Variants in PCDHA8 observed in about 807,000 individuals in gnomAD.
The protein encoded by PCDHA8 is protocadherin alpha-8.
A neutral mutation model predicts 61.8 loss-of-function variants in PCDHA8; 53 were observed. That is an observed-to-expected ratio of 0.86 (90% CI 0.69 to 1.08). The LOEUF (loss-of-function observed/expected upper bound fraction) is 1.08, where lower values mean the gene tolerates loss of function less well. PCDHA8 is among the 50% of genes least tolerant of loss of function. The pLI is 0.00. For missense variants in PCDHA8, 1,293 were observed against 1,245.0 expected (o/e 1.04, Z -0.58); for synonymous variants, 618 against 556.6 (o/e 1.11, Z -1.55).
In PCDHA8 at chr5:140,842,159, T is replaced by A. The variant is rs2150330749; in HGVS notation, c.838T>A (p.Ser280Thr). ...AGGAGCCAATGGGGCAATTTCATAT[T>A]CTTTTAATAGCCTTGTTGAAACTAT... ...DEGANGAISY[S>T]FNSLVETMVI... The change falls in exon 1 of 4, where the codon TCT becomes ACT. Residue 280 changes from serine (S) to threonine (T), a missense_variant. Transcript: ENST00000531613. The A allele has an allele frequency of 6.2e-7, 1 of 1,613,882 alleles. No individual in the cohort carries two copies. The highest frequency in any genetic ancestry group is 1.1e-5 in the South Asian group (1 of 91,060).
chr5:140,916,188 G>A (rs1288181230), intron 1 of PCDHA8, among the ~76,000 whole-genome samples: 2 of 152,208 alleles, frequency 1.3e-5, no homozygotes, highest in East Asian at 3.9e-4. Context: ...TCAAGGAAGT[G>A]GGCACCCCTC....
At chr5:140,902,669 T>C (rs767769713) in intron 1 of PCDHA8, among the ~76,000 whole-genome samples, 1 of 152,166 alleles carries the variant, frequency 6.6e-6, no homozygotes, top group Non-Finnish European at 1.5e-5. Flanking sequence ...ACCCAAGCAG[T>C]GTACACCGTA....
In PCDHA8 at chr5:140,844,364, G is replaced by A. The variant is rs1281881070; in HGVS notation, c.2394+649G>A. Reference sequence around the variant, plus strand: ...AGTAAAATCAAGAGGGAAGAGATTTGTAATCCTTCTTTTAATTCATTATTT... The same window carrying A: ...AGTAAAATCAAGAGGGAAGAGATTTATAATCCTTCTTTTAATTCATTATTT... On this transcript the variant is annotated intron_variant, in intron 1 of 3. Coordinates refer to ENST00000531613, the MANE Select transcript of PCDHA8 (RefSeq NM_018911.3). Among the ~76,000 whole-genome samples, 3 of 149,238 alleles carry A rather than the reference G, an allele frequency of 2.0e-5. 1 individual carries two copies. The highest frequency in any genetic ancestry group is 4.5e-5 in the Non-Finnish European group (3 of 66,742).
chr5:140,884,518 C>G, intron 1 of PCDHA8: 2 of 1,614,054 alleles, frequency 1.2e-6, no homozygotes, highest in Non-Finnish European at 1.7e-6. Context: ...GTTGGTCGTA[C>G]TCGCAGCAGA....
intron 1 of PCDHA8, chr5:140,870,530 T>C (rs2052115440): frequency 6.2e-7 from 1 of 1,614,198 alleles, no homozygotes; most frequent in African/African-American, 1.3e-5. Flanking sequence ...ATCTTCACAG[T>C]GTCGGCGCGG....
chr5:140,970,400 C>T (rs1586425210), intron 1 of PCDHA8, among the ~76,000 whole-genome samples: 1 of 152,162 alleles, frequency 6.6e-6, no homozygotes, highest in Non-Finnish European at 1.5e-5. Context: ...AAGTGGATGG[C>T]TTACCCTACA....
intron 3 of PCDHA8, among the ~76,000 whole-genome samples, chr5:141,006,736 G>C (rs939000554): frequency 2.0e-5 from 3 of 152,122 alleles, no homozygotes; most frequent in African/African-American, 7.2e-5. Context: ...AGGTCTTGAT[G>C]ATGTATTATA....
At chr5:140,930,175 G>A (rs1554207630) in intron 1 of PCDHA8, 2 of 152,134 alleles carry the variant, frequency 1.3e-5, no homozygotes, top group African/African-American at 4.8e-5. Context: ...TTACAAAGAG[G>A]AAAGATGAGT....
intron 1 of PCDHA8, among the ~76,000 whole-genome samples, chr5:140,910,952 G>A (rs1188072199): frequency 3.3e-5 from 5 of 152,082 alleles, no homozygotes; most frequent in African/African-American, 1.2e-4. Context: ...TTCTTTTCGA[G>A]TGTAGCACAC....
At chr5:140,927,502 A>G (rs1554204633) in intron 1 of PCDHA8, 1 of 1,614,134 alleles carries the variant, frequency 6.2e-7, no homozygotes, top group Non-Finnish European at 8.5e-7. Context: ...GCTGGTGCTT[A>G]CAGCTCGGGA....
At chr5:140,934,363 T>C (rs1354531260) in intron 1 of PCDHA8, among the ~76,000 whole-genome samples, 3 of 152,170 alleles carry the variant, frequency 2.0e-5, no homozygotes, top group African/African-American at 7.2e-5. Context: ...GCCACTGCTT[T>C]GACTCCTTCT....
In PCDHA8 at chr5:140,851,114, A is replaced by C; in HGVS notation, c.2394+7399A>C. On this transcript the variant is annotated intron_variant, in intron 1 of 3. Transcript: ENST00000531613. ...TAGATATTTTTTGGGTGCTGAATCA[A>C]TTTTATTTAAATTTGTGATTAAAGT... 6 of 1,305,466 alleles carry C rather than the reference A, an allele frequency of 4.6e-6. 1 individual carries two copies. The highest frequency in any genetic ancestry group is 6.0e-6 in the Non-Finnish European group (6 of 1,007,386). 80.9% of individuals were successfully genotyped at this position (1,305,466 alleles called of 1,614,324 possible).
chr5:140,957,736 C>T (rs1001757062), intron 1 of PCDHA8, among the ~76,000 whole-genome samples: 3 of 151,944 alleles, frequency 2.0e-5, no homozygotes, highest in Non-Finnish European at 4.4e-5. Context: ...ATTATATATA[C>T]TGACATGAAA....
At chr5:140,969,576 G>A (rs982215577) in intron 1 of PCDHA8, 3 of 984,900 alleles carry the variant, frequency 3.0e-6, no homozygotes, top group Admixed American at 2.9e-5. Flanking sequence ...TTTGAGAAGT[G>A]AGGATTAGTC....
intron 1 of PCDHA8, chr5:140,853,184 T>G (rs1229624873): frequency 1.0e-6 from 1 of 977,906 alleles, no homozygotes; most frequent in East Asian, 1.1e-4. Context: ...TGGCCTAAAA[T>G]GTGTTCTTTA....
chr5:140,886,095 T>C (rs1229514130), intron 1 of PCDHA8, among the ~76,000 whole-genome samples: 2 of 152,200 alleles, frequency 1.3e-5, no homozygotes, highest in Non-Finnish European at 2.9e-5. Flanking sequence ...ATATTGACAT[T>C]GATACAGTAA....
intron 1 of PCDHA8, among the ~76,000 whole-genome samples, chr5:140,889,628 TTTTC>T (rs2062304515): frequency 6.6e-6 from 1 of 152,186 alleles, no homozygotes; most frequent in African/African-American, 2.4e-5. Flanking sequence ...ATTTCTCTTC[TTTTC>T]ATTTGTGTTT....
chr5:140,892,772 C>G (rs1053940130), intron 1 of PCDHA8, among the ~76,000 whole-genome samples: 1 of 152,144 alleles, frequency 6.6e-6, no homozygotes, highest in African/African-American at 2.4e-5. Context: ...ACTCTTCTAG[C>G]TTCTTGAAAA....
chr5:140,869,894 T>A lies in PCDHA8; in HGVS notation c.2394+26179T>A, dbSNP rs1234875307. 5 of 1,610,472 alleles carry A rather than the reference T, an allele frequency of 3.1e-6. No individual in the cohort carries two copies. The African/African-American group carries it at 4.0e-5, about 13-fold the overall frequency. On this transcript the variant is annotated intron_variant, in intron 1 of 3. Coordinates refer to ENST00000531613, the MANE Select transcript of PCDHA8 (RefSeq NM_018911.3). ...GCTAAAGAAACTCTTGTGCTCAAAC[T>A]AAACGCCACAGACCGAGACGAAGGA...
Sources: allele counts gnomAD v4.1 joint callset (sites outside exome capture counted in the v4.1 genomes callset), GRCh38; gene constraint gnomAD v4.1.1; transcripts MANE v1.5; gene names NCBI Gene and HGNC (gene_info 2026-07-23, HGNC 2026-07-21).